Variants in ATRX observed in about 807,000 individuals in gnomAD.
ATRX encodes ATRX chromatin remodeler, also known as chromatin remodeler ATRX.
ATRX carries 12 observed loss-of-function variants against 172.6 expected under a neutral mutation model. The ratio of observed to expected loss-of-function variants is 0.07; its 90% CI spans 0.04 to 0.11. ATRX has a LOEUF of 0.11. Among genes scored for constraint, ATRX ranks in the 10% least tolerant of loss-of-function variants. The pLI, the probability that ATRX is intolerant of heterozygous loss-of-function variation, is 1.00. For missense variants in ATRX, 1,368 were observed against 1,767.4 expected, an observed-to-expected ratio of 0.77 and a Z score of 4.05; for synonymous variants, 674 against 594.7, an observed-to-expected ratio of 1.13 and a Z score of -1.94.
intron 1 of ATRX, among the ~76,000 whole-genome samples, chrX:77,775,269 T>G (rs185076653): frequency 9.0e-6 from 1 of 111,596 alleles, no homozygotes; most frequent in Non-Finnish European, 1.9e-5. Context: ...TTTTACAAAT[T>G]TTCTACAAGT....
chrX:77,736,846 A>C (rs2074590505), intron 1 of ATRX, among the ~76,000 whole-genome samples: 1 of 112,080 alleles, frequency 8.9e-6, no homozygotes, highest in Non-Finnish European at 1.9e-5. Context: ...TGAATGGATA[A>C]AGAAAATGTG....
chrX:77,649,705 AAG>A (rs781979501), intron 15 of ATRX, among the ~76,000 whole-genome samples: 23 of 111,639 alleles, frequency 2.1e-4, no homozygotes, highest in African/African-American at 6.5e-4. Flanking sequence ...TAGTTTTAAA[AAG>A]AGGAGTTTCC....
intron 1 of ATRX, among the ~76,000 whole-genome samples, chrX:77,718,642 G>A (rs984446164): frequency 1.8e-5 from 2 of 111,339 alleles, no homozygotes; most frequent in Admixed American, 1.9e-4. Context: ...CCAAAGTGCT[G>A]GGATTACAGG....
intron 14 of ATRX, among the ~76,000 whole-genome samples, chrX:77,653,067 T>G (rs981474418): frequency 3.8e-5 from 4 of 105,977 alleles, no homozygotes; most frequent in African/African-American, 1.0e-4. Context: ...TTGGCAAAGA[T>G]GCAGACAAAT....
At chrX:77,664,016 G>A (rs942808040) in intron 11 of ATRX, among the ~76,000 whole-genome samples, 2 of 108,314 alleles carry the variant, frequency 1.8e-5, no homozygotes, top group South Asian at 4.1e-4. Context: ...CAGGAGAATC[G>A]CTTGAACCCG....
chrX:77,523,469 T>A, intron 30 of ATRX, 68 bp from the exon 31 acceptor site: 1 of 1,056,905 alleles, frequency 9.5e-7, no homozygotes, highest in Non-Finnish European at 1.3e-6. Flanking sequence ...TCTCCATAGT[T>A]CTATGGTCAA....
chrX:77,684,155 G>C lies in ATRX; in HGVS notation c.1101C>G (p.Asn367Lys), dbSNP rs782154863. 1.7e-6 allele frequency: 2 copies of C among 1,206,604 alleles called. No homozygotes were observed. The highest frequency in any genetic ancestry group is 2.2e-6 in the Non-Finnish European group (2 of 893,223). ...KKLIETTANMNSSYVKFLKQA... is the reference protein window; with the variant it reads ...KKLIETTANMKSSYVKFLKQA... ...GCTTTAAAAATTTAACATAACTGGA[G>C]TTCATGTTGGCTGTGGTCTCAATCA... Residue 367 changes from asparagine to lysine, a missense_variant, in exon 9 of 35, where the codon AAC becomes AAG. Physicochemically the swap from Asn to Lys is moderately conservative, Grantham distance 94 (BLOSUM62 0). Transcript: ENST00000373344.
At chrX:77,750,456 A>T (rs1227924933) in intron 1 of ATRX, among the ~76,000 whole-genome samples, 1 of 111,988 alleles carries the variant, frequency 8.9e-6, no homozygotes, top group Non-Finnish European at 1.9e-5. Flanking sequence ...CTTGTTCTAC[A>T]TAATAGACAC....
intron 1 of ATRX, among the ~76,000 whole-genome samples, chrX:77,762,191 C>A (rs1603319874): frequency 9.3e-6 from 1 of 107,458 alleles, no homozygotes; most frequent in African/African-American, 3.4e-5. Flanking sequence ...GTAGTCGCAG[C>A]TACTCGGGAG....
intron 28 of ATRX, among the ~76,000 whole-genome samples, chrX:77,560,042 T>C (rs1439407316): frequency 2.7e-5 from 3 of 111,628 alleles, no homozygotes; most frequent in Non-Finnish European, 5.6e-5. Context: ...CCTTACACTT[T>C]AGAAAGGATG....
chrX:77,729,898 C>G (rs1260035343), intron 1 of ATRX, among the ~76,000 whole-genome samples: 1 of 111,573 alleles, frequency 9.0e-6, no homozygotes, highest in African/African-American at 3.3e-5. Context: ...GATCACGTCA[C>G]CGCACTCCAG....
intron 34 of ATRX, among the ~76,000 whole-genome samples, chrX:77,509,715 A>G (rs1410204018): frequency 1.8e-5 from 2 of 110,866 alleles, no homozygotes; most frequent in African/African-American, 6.6e-5. Context: ...CTCAGCTGGC[A>G]CCCACAGAGG....
At chrX:77,737,193 G>A (rs1166756903) in intron 1 of ATRX, among the ~76,000 whole-genome samples, 1 of 110,456 alleles carries the variant, frequency 9.1e-6, no homozygotes, top group Admixed American at 9.7e-5. Context: ...AGGAGGCCGC[G>A]GCGGGCGAAC....
intron 2 of ATRX, among the ~76,000 whole-genome samples, chrX:77,699,937 G>C (rs1409509514): frequency 8.9e-6 from 1 of 111,899 alleles, no homozygotes; most frequent in African/African-American, 3.2e-5. Flanking sequence ...TATGAAAACA[G>C]TATTGCCCTG....
chrX:77,510,646 T>C (rs1390148070), intron 34 of ATRX, among the ~76,000 whole-genome samples: 14 of 111,841 alleles, frequency 1.3e-4, no homozygotes, highest in African/African-American at 4.2e-4. Flanking sequence ...ACATCAGCAG[T>C]AGCCAGGCAA....
chrX:77,634,885 C>T (rs970372213), intron 16 of ATRX, among the ~76,000 whole-genome samples, 182 bp from the exon 17 acceptor site: 1 of 111,715 alleles, frequency 9.0e-6, no homozygotes, highest in Non-Finnish European at 1.9e-5. Flanking sequence ...AACAAGTTAA[C>T]ACAAACATAG....
intron 12 of ATRX, among the ~76,000 whole-genome samples, chrX:77,660,291 G>A (rs1557121873): frequency 1.8e-5 from 2 of 111,839 alleles, no homozygotes; most frequent in East Asian, 2.8e-4. Context: ...CAAGCTGGGC[G>A]CAGTGGCTCA....
chrX:77,531,697 A>T (rs1169794528), intron 30 of ATRX, among the ~76,000 whole-genome samples: 1 of 112,042 alleles, frequency 8.9e-6, no homozygotes, highest in East Asian at 2.8e-4. Flanking sequence ...CAAAAGCTGG[A>T]AGCATTCCCC....
At chrX:77,762,916 C>A (rs1359572612) in intron 1 of ATRX, among the ~76,000 whole-genome samples, 5 of 110,796 alleles carry the variant, frequency 4.5e-5, no homozygotes, top group African/African-American at 1.3e-4. Flanking sequence ...GAAAAAAAAT[C>A]AACTTATCTT....
Sources: gnomAD v4.1 joint callset for allele counts (sites outside exome capture counted in the v4.1 genomes callset) on GRCh38, gnomAD v4.1.1 for gene constraint, MANE v1.5 for transcripts, NCBI Gene and HGNC (gene_info 2026-07-23, HGNC 2026-07-21) for gene names.